Variants in RUSC1 observed in about 807,000 individuals in gnomAD.
RUSC1 encodes RUN and SH3 domain containing 1.
RUSC1 carries 40 observed loss-of-function variants against 72.1 expected under a neutral mutation model. The observed-to-expected ratio is 0.55, with a 90% CI of 0.43 to 0.72. The LOEUF is 0.72. RUSC1 is among the 30% of genes least tolerant of loss of function. The pLI, the probability that RUSC1 is intolerant of heterozygous loss-of-function variation, is 0.00. For synonymous variants in RUSC1, 512 were observed against 494.2 expected (o/e 1.04, Z -0.48); for missense variants, 1,092 against 1,172.3 (o/e 0.93, Z 1.00).
intron 9 of RUSC1, among the ~76,000 whole-genome samples, chr1:155,328,538 T>G (rs1464968445): frequency 2.0e-5 from 3 of 151,434 alleles, no homozygotes; most frequent in Non-Finnish European, 4.4e-5. Flanking sequence ...TCCTGGGTTC[T>G]CCTGTCTCAG....
At chr1:155,323,155 GA>G in intron 2 of RUSC1, 25 bp downstream of exon 2, 1 of 1,403,148 alleles carries the variant, frequency 7.1e-7, no homozygotes, top group Non-Finnish European at 9.2e-7. Flanking sequence ...GAAGCGGGAG[GA>G]GGGCTGGGCT....
Position 155,328,138 on chromosome 1 carries a change from C to A in RUSC1, c.2415-12C>A. ...AGTGGGTTGAGCTGTGACCCTATGT[C>A]CCTTCTTTTAGGAGACCATCTAGCT... On this transcript the variant is annotated splice_polypyrimidine_tract_variant and intron_variant, in intron 8 of 9. Transcript: ENST00000368352. 1 of 1,611,068 alleles carries A rather than the reference C, an allele frequency of 6.2e-7. No individual in the cohort carries two copies. The highest frequency in any genetic ancestry group is 8.5e-7 in the Non-Finnish European group (1 of 1,178,456).
rs1252547395 is a variant in RUSC1 at position 155,330,459 on chromosome 1, G to A, written c.2597G>A (p.Arg866Gln). ...GCAAGACCTGACCAGTTGAGCTTCC[G>A]GCGTGGGGAAGTGCTGCGTGTCATC... The part of the protein sequence containing the change: ...TAARPDQLSF[R>Q]RGEVLRVITT... Residue 866 changes from arginine to glutamine, a missense_variant, in exon 10 of 10, where the codon CGG (arginine) becomes CAG (glutamine). Transcript: ENST00000368352. 5 of 1,613,566 alleles carry A rather than the reference G, an allele frequency of 3.1e-6. No homozygotes were observed. Among genetic ancestry groups the A allele is most frequent in the African/African-American group, 2.7e-5 (2 of 74,898 alleles).
chr1:155,323,244 C>T, intron 2 of RUSC1, 114 bp downstream of exon 2: 1 of 1,210,108 alleles, frequency 8.3e-7, no homozygotes, highest in South Asian at 2.1e-5. Context: ...CCTCCCCGCC[C>T]CTTCTACCAG....
At position 155,326,912 on chromosome 1, in the gene RUSC1, C is replaced by G; in HGVS notation, c.2194C>G (p.Gln732Glu). The change falls in exon 8 of 10, where the codon CAG becomes GAG. Residue 732 changes from glutamine to glutamate, a missense_variant. Coordinates refer to ENST00000368352, the MANE Select transcript of RUSC1 (RefSeq NM_001105203.2). This position sits in a 1 kb window ranked among gnomAD's most constrained non-coding sequence, Gnocchi z 4.7. ...NLPTPGSWWE[Q>E]LTQASRVYAS... ...TCCCACACCAGGGAGCTGGTGGGAG[C>G]AGTTGACCCAGGCCTCCCGGGTCTA... 6.2e-7 allele frequency: 1 copy of G among 1,613,804 alleles called. No individual in the cohort carries two copies. Among genetic ancestry groups the G allele is most frequent in the Non-Finnish European group, 8.5e-7 (1 of 1,180,034 alleles).
chr1:155,322,122 TC>T lies in RUSC1; in HGVS notation c.353del (p.Pro118LeufsTer68). Reference protein sequence around the residue: ...SSCSDLSPDESPVSVYLRDLP... With the variant: ...SSCSDLSPDEXPVSVYLRDLP... ...CTGCTCAGATCTTAGCCCCGATGAG[TC>T]CCCTGTCTCAGTCTACTTGCGGGAC... On this transcript the variant is annotated frameshift_variant, in exon 2 of 10. Transcript: ENST00000368352. LOFTEE classifies it high-confidence loss of function. The T allele has an allele frequency of 1.2e-6, 2 of 1,609,446 alleles. No individual in the cohort carries two copies. The highest frequency in any genetic ancestry group is 1.7e-6 in the Non-Finnish European group (2 of 1,177,072).
chr1:155,321,280 C>T (rs1650430671), intron 1 of RUSC1: 2 of 1,368,168 alleles, frequency 1.5e-6, no homozygotes, highest in Non-Finnish European at 2.0e-6. Flanking sequence ...CTGCGTATTG[C>T]CCCACCCCCA....
rs1273036486 is a variant in RUSC1, at chr1:155,325,217, G to A, written c.1533+39G>A. 2 of 1,613,832 alleles carry A rather than the reference G, an allele frequency of 1.2e-6. No individual in the cohort carries two copies. Among genetic ancestry groups the A allele is most frequent in the Non-Finnish European group, 1.7e-6 (2 of 1,180,028 alleles). On this transcript the variant is annotated intron_variant, in intron 4 of 9. Coordinates refer to ENST00000368352, the MANE Select transcript of RUSC1 (RefSeq NM_001105203.2). This position sits in a 1 kb window ranked among gnomAD's most constrained non-coding sequence, Gnocchi z 6.5. Reference sequence around the variant, plus strand: ...GGGGGAGGCTGTTGGGATGAGGAGAGTAATGGAGCTCCGCGGGGGGTGCGG... The same window carrying A: ...GGGGGAGGCTGTTGGGATGAGGAGAATAATGGAGCTCCGCGGGGGGTGCGG...
At chr1:155,324,404 C>A in intron 2 of RUSC1, 1 of 1,613,132 alleles carries the variant, frequency 6.2e-7, no homozygotes, top group South Asian at 1.1e-5. Context: ...CCCTGTCTGT[C>A]TTTCCATTGG....
At position 155,322,528 on chromosome 1, in the gene RUSC1, A is replaced by G. The variant is rs752640591; in HGVS notation, c.755A>G (p.Asn252Ser). 4.3e-6 allele frequency: 7 copies of G among 1,614,046 alleles called. No individual in the cohort carries two copies. The highest frequency in any genetic ancestry group is 1.6e-4 in the Middle Eastern group (1 of 6,084). The change falls in exon 2 of 10, where the codon AAT becomes AGT. Residue 252 changes from asparagine to serine, a missense_variant. Coordinates refer to ENST00000368352, the MANE Select transcript of RUSC1 (RefSeq NM_001105203.2). ...GCTGAATGGAAAACCACTGAAAACA[A>G]TAACACTGGTTGGAAAAACAACGGG... ...TKAEWKTTEN[N>S]NTGWKNNGNV... is the part of the protein sequence containing the mutation.
chr1:155,326,825 G>T lies in RUSC1; in HGVS notation c.2107G>T (p.Ala703Ser). The T allele has an allele frequency of 6.2e-7, 1 of 1,613,524 alleles. No individual in the cohort carries two copies. The highest frequency in any genetic ancestry group is 8.5e-7 in the Non-Finnish European group (1 of 1,180,044). The change falls in exon 8 of 10, where the codon GCC becomes TCC. Residue 703 changes from alanine to serine, a missense_variant. By Grantham distance (99) the Ala-to-Ser change is moderately conservative (BLOSUM62 1). Transcript: ENST00000368352. This position sits in a 1 kb window ranked among gnomAD's most constrained non-coding sequence, Gnocchi z 4.7. Reference protein sequence around the residue: ...QAMLHFGGRLAQSLRGTSKEA... With the variant: ...QAMLHFGGRLSQSLRGTSKEA... ...CATGCTGCACTTTGGGGGCCGGCTGGCCCAGAGCCTTCGGGGGACTTCCAA... is the reference window on the plus strand; with the variant it reads ...CATGCTGCACTTTGGGGGCCGGCTGTCCCAGAGCCTTCGGGGGACTTCCAA...
Position 155,330,622 on chromosome 1 carries a change from G to C in RUSC1, c.*51G>C, listed in dbSNP as rs1453267232. On this transcript the variant is annotated 3_prime_UTR_variant, in exon 10 of 10. Coordinates refer to ENST00000368352, the MANE Select transcript of RUSC1 (RefSeq NM_001105203.2). ...GTCTCCTTCCTGTCACCTGGGAATG[G>C]AATGGCCAGTGAACACCATCCCAGA... is the stretch of plus-strand genomic sequence containing the variant. 8 of 1,499,506 alleles carry C rather than the reference G, an allele frequency of 5.3e-6. No individual in the cohort carries two copies. The highest frequency in any genetic ancestry group is 7.2e-6 in the Non-Finnish European group (8 of 1,114,696). The allele number at this position is 1,499,506 out of a possible 1,614,324, so 92.9% of individuals were successfully genotyped here. A position where few individuals can be genotyped will look rare whatever the true frequency, so the allele number is the denominator to read the frequency against.
chr1:155,323,899 T>C, intron 2 of RUSC1: 6 of 987,330 alleles, frequency 6.1e-6, no homozygotes, highest in South Asian at 4.6e-5. Context: ...TCGCTTTTTT[T>C]CCGGGGTTGC....
chr1:155,327,460 G>C (rs1279899725), intron 8 of RUSC1, among the ~76,000 whole-genome samples: 3 of 152,006 alleles, frequency 2.0e-5, no homozygotes, highest in African/African-American at 7.3e-5. Context: ...CAGTATATGT[G>C]GTATTACATC....
Position 155,326,925 on chromosome 1 carries a change from C to G in RUSC1, c.2207C>G (p.Ala736Gly). The change falls in exon 8 of 10, where the codon GCC (alanine) becomes GGC (glycine). Residue 736 changes from alanine to glycine, a missense_variant. Transcript: ENST00000368352. This position sits in a 1 kb window ranked among gnomAD's most constrained non-coding sequence, Gnocchi z 4.7. ...AGCTGGTGGGAGCAGTTGACCCAGG[C>G]CTCCCGGGTCTATGCCTCTGGGGGC... ...PGSWWEQLTQ[A>G]SRVYASGGTE... The G allele has an allele frequency of 6.2e-7, 1 of 1,613,826 alleles. No homozygotes were observed. Among genetic ancestry groups the G allele is most frequent in the Non-Finnish European group, 8.5e-7 (1 of 1,180,042 alleles).
chr1:155,326,039 T>C lies in RUSC1; in HGVS notation c.1861+129T>C. The stretch of plus-strand genomic sequence containing the variant: ...CAGATCTCCGATCTTATTACTCTTC[T>C]AATTAAAACTTTCTAAGGAGGCCCA... On this transcript the variant is annotated intron_variant, in intron 7 of 9. Transcript: ENST00000368352. This position sits in a 1 kb window ranked among gnomAD's most constrained non-coding sequence, Gnocchi z 4.7. The C allele has an allele frequency of 9.7e-7, 1 of 1,036,042 alleles. No individual in the cohort carries two copies. Among genetic ancestry groups the C allele is most frequent in the East Asian group, 2.4e-5 (1 of 41,430 alleles). 64.2% of individuals were successfully genotyped at this position (1,036,042 alleles called of 1,614,324 possible). A position where few individuals can be genotyped will look rare whatever the true frequency, so the allele number is the denominator to read the frequency against.
Position 155,328,203 on chromosome 1 carries a change from G to A in RUSC1, c.2468G>A (p.Arg823Gln), listed in dbSNP as rs149617084. 3.4e-4 allele frequency: 543 copies of A among 1,612,930 alleles called. No homozygotes were observed. Among genetic ancestry groups the A allele is most frequent in the Non-Finnish European group, 4.3e-4 (511 of 1,179,562 alleles). Residue 823 changes from arginine (R) to glutamine (Q), a missense_variant, in exon 9 of 10, where the codon CGG (arginine) becomes CAG (glutamine). Transcript: ENST00000368352. Reference sequence around the variant, plus strand: ...GTGAGTGTGTTGGCTCTTGTGAAGCGGGGGGCACCTCCCGAGATGCCTTCT... The same window carrying A: ...GTGAGTGTGTTGGCTCTTGTGAAGCAGGGGGCACCTCCCGAGATGCCTTCT... ...PTVSVLALVKRGAPPEMPSPQ... is the reference protein window; with the variant it reads ...PTVSVLALVKQGAPPEMPSPQ...
chr1:155,322,191 C>A lies in RUSC1; in HGVS notation c.418C>A (p.Pro140Thr), dbSNP rs1271733308. The change falls in exon 2 of 10, where the codon CCC becomes ACC. Residue 140 changes from proline (P) to threonine (T), a missense_variant. Physicochemically the swap from Pro to Thr is conservative, Grantham distance 38 (BLOSUM62 -1). Transcript: ENST00000368352. The part of the protein sequence containing the change: ...EDAHPQPSII[P>T]LEQGSPLASA... The stretch of plus-strand genomic sequence containing the variant: ...TGCCCACCCTCAGCCCAGTATCATC[C>A]CCCTGGAGCAGGGCTCCCCACTGGC... The A allele has an allele frequency of 1.2e-6, 2 of 1,606,522 alleles. No homozygotes were observed. Among genetic ancestry groups the A allele is most frequent in the Non-Finnish European group, 1.7e-6 (2 of 1,175,318 alleles).
Position 155,322,777 on chromosome 1 carries a change from C to A in RUSC1, c.1004C>A (p.Ala335Glu), listed in dbSNP as rs1650720107. 1.2e-6 allele frequency: 2 copies of A among 1,613,758 alleles called. No individual in the cohort carries two copies. The highest frequency in any genetic ancestry group is 1.7e-5 in the Admixed American group (1 of 60,010). Residue 335 changes from alanine to glutamate, a missense_variant, in exon 2 of 10, where the codon GCG (alanine) becomes GAG (glutamate). Transcript: ENST00000368352. ...CCAGGGCTGCCCCTTGTCCCGCAGG[C>A]GAAGAAAGATCGCAGTGACTGGCTC... ...RGPGLPLVPQ[A>E]KKDRSDWLIV...
Sources: allele counts gnomAD v4.1 joint callset (sites outside exome capture counted in the v4.1 genomes callset), GRCh38; gene constraint gnomAD v4.1.1; non-coding constraint Gnocchi (gnomAD v3.1); transcripts MANE v1.5; gene names NCBI Gene and HGNC (gene_info 2026-07-23, HGNC 2026-07-21).